Variants in PTPRD observed in about 807,000 individuals in gnomAD.
PTPRD encodes receptor-type tyrosine-protein phosphatase delta.
Under a neutral mutation model 214.5 loss-of-function variants are expected in PTPRD, and 34 were observed. That is an observed-to-expected ratio of 0.16 (90% confidence interval 0.12 to 0.21). The LOEUF is 0.21. Among genes scored for constraint, PTPRD ranks in the 10% least tolerant of loss-of-function variants. The pLI is 1.00. For missense variants in PTPRD, 2,545 were observed against 2,398.7 expected (o/e 1.06, Z -1.27); for synonymous variants, 1,128 against 845.7 (o/e 1.33, Z -5.79).
intron 14 of PTPRD, among the ~76,000 whole-genome samples, chr9:8,599,343 C>G (rs1457972055): frequency 6.6e-6 from 1 of 152,052 alleles, no homozygotes; most frequent in Non-Finnish European, 1.5e-5. Context: ...CTGTCTATGG[C>G]CATATCTGTC....
At chr9:8,898,463 G>A (rs989594623) in intron 11 of PTPRD, among the ~76,000 whole-genome samples, 1 of 151,990 alleles carries the variant, frequency 6.6e-6, no homozygotes, top group Admixed American at 6.6e-5. Flanking sequence ...ATACAATGTA[G>A]GTGGCAATCC....
chr9:9,146,256 T>A (rs76245406), intron 10 of PTPRD, among the ~76,000 whole-genome samples: 1 of 138,936 alleles, frequency 7.2e-6, no homozygotes, highest in Non-Finnish European at 1.5e-5. Flanking sequence ...AAATTTGTTA[T>A]TTTTTTTTTA....
At chr9:10,111,396 G>A (rs1446811179) in intron 3 of PTPRD, among the ~76,000 whole-genome samples, 12 of 149,726 alleles carry the variant, frequency 8.0e-5, no homozygotes, top group African/African-American at 3.0e-4. Context: ...CCGCCACTAC[G>A]CCCAGCTAAT....
chr9:8,476,983 C>T (rs1293407816), intron 30 of PTPRD, among the ~76,000 whole-genome samples: 1 of 152,080 alleles, frequency 6.6e-6, no homozygotes, highest in East Asian at 1.9e-4. Flanking sequence ...CTGGCCTACT[C>T]GTGACCCTTG....
intron 9 of PTPRD, among the ~76,000 whole-genome samples, chr9:9,322,975 A>G (rs1009509706): frequency 1.3e-5 from 2 of 152,336 alleles, no homozygotes; most frequent in Admixed American, 1.3e-4. Flanking sequence ...TAAAAATAAT[A>G]TATAAACCTT....
At chr9:9,989,000 C>T (rs1216094889) in intron 4 of PTPRD, among the ~76,000 whole-genome samples, 1 of 109,862 alleles carries the variant, frequency 9.1e-6, no homozygotes, top group Non-Finnish European at 1.7e-5. Flanking sequence ...TCAGAAGAGC[C>T]CTTAGTTTCA....
chr9:9,001,661 T>G (rs1589590756), intron 11 of PTPRD, among the ~76,000 whole-genome samples: 1 of 152,144 alleles, frequency 6.6e-6, no homozygotes, highest in Admixed American at 6.6e-5. Flanking sequence ...GAGAGGTTTT[T>G]TGGACTACCA....
At chr9:8,509,723 A>G (rs971775584) in intron 21 of PTPRD, among the ~76,000 whole-genome samples, 2 of 152,062 alleles carry the variant, frequency 1.3e-5, no homozygotes, top group African/African-American at 4.8e-5. Flanking sequence ...TCAATATTTC[A>G]TTCTTGTTTA....
chr9:9,685,186 T>G (rs539922157), intron 7 of PTPRD, among the ~76,000 whole-genome samples: 1 of 151,334 alleles, frequency 6.6e-6, no homozygotes, highest in East Asian at 1.9e-4. Context: ...ATGTGAAAAA[T>G]AAAAGTTTCT....
At chr9:8,502,027 T>G (rs1400526352) in intron 23 of PTPRD, among the ~76,000 whole-genome samples, 4 of 152,190 alleles carry the variant, frequency 2.6e-5, no homozygotes, top group Non-Finnish European at 4.4e-5. Flanking sequence ...TTCTTTCATT[T>G]TGTACATAAT....
At chr9:8,728,251 G>C (rs944103776) in intron 12 of PTPRD, among the ~76,000 whole-genome samples, 2 of 151,188 alleles carry the variant, frequency 1.3e-5, no homozygotes, top group East Asian at 3.9e-4. Context: ...ACTCCATCTC[G>C]AAAAAAAAGA....
chr9:9,153,706 G>A (rs2099878808), intron 10 of PTPRD, among the ~76,000 whole-genome samples: 1 of 152,216 alleles, frequency 6.6e-6, no homozygotes, highest in Middle Eastern at 3.4e-3. Flanking sequence ...TGGTAAATAG[G>A]TGGCAAATTT....
chr9:9,057,396 TG>T (rs1233907895), intron 10 of PTPRD, among the ~76,000 whole-genome samples: 2 of 152,202 alleles, frequency 1.3e-5, no homozygotes, highest in Non-Finnish European at 2.9e-5. Context: ...TTTATCATAA[TG>T]TAAAATGTAT....
intron 12 of PTPRD, among the ~76,000 whole-genome samples, chr9:8,638,390 CG>C (rs1165954033): frequency 6.6e-6 from 1 of 151,872 alleles, no homozygotes; most frequent in Non-Finnish European, 1.5e-5. Flanking sequence ...TCAAGGAAGC[CG>C]GATTCCTATC....
At chr9:10,108,591 T>G (rs1445123448) in intron 3 of PTPRD, among the ~76,000 whole-genome samples, 1 of 152,040 alleles carries the variant, frequency 6.6e-6, no homozygotes, top group African/African-American at 2.4e-5. Context: ...AACTGCCATA[T>G]GATCCTGCAA....
chr9:9,438,054 A>G (rs1221789146), intron 8 of PTPRD, among the ~76,000 whole-genome samples: 2 of 152,038 alleles, frequency 1.3e-5, no homozygotes, highest in East Asian at 3.9e-4. Context: ...TCATGTTCCG[A>G]TGGCTTTCCC....
chr9:9,298,398 TA>T (rs1180078227), intron 9 of PTPRD, among the ~76,000 whole-genome samples: 1 of 151,736 alleles, frequency 6.6e-6, no homozygotes, highest in Non-Finnish European at 1.5e-5. Flanking sequence ...CTTTTCTTTT[TA>T]AACTAGATTT....
At chr9:10,543,105 G>T (rs2059477017) in intron 2 of PTPRD, among the ~76,000 whole-genome samples, 1 of 151,804 alleles carries the variant, frequency 6.6e-6, no homozygotes, top group Non-Finnish European at 1.5e-5. Context: ...CACTGGTCCT[G>T]AACTCCCGAC....
intron 5 of PTPRD, among the ~76,000 whole-genome samples, chr9:9,777,741 T>C (rs1181956725): frequency 2.6e-5 from 4 of 152,172 alleles, no homozygotes; most frequent in East Asian, 3.9e-4. Flanking sequence ...TGGAAACATG[T>C]TGATATTGTA....
Sources: gnomAD v4.1 joint callset for allele counts (sites outside exome capture counted in the v4.1 genomes callset) on GRCh38, gnomAD v4.1.1 for gene constraint, MANE v1.5 for transcripts, NCBI Gene and HGNC (gene_info 2026-07-23, HGNC 2026-07-21) for gene names.